Variants in ACTR3C observed in about 807,000 individuals in gnomAD.
ACTR3C encodes the protein actin related protein 3C.
ACTR3C carries 18 observed loss-of-function variants against 26.3 expected under a neutral mutation model. That is an observed-to-expected ratio of 0.68 (90% confidence interval 0.47 to 1.01). ACTR3C has a LOEUF of 1.01. ACTR3C is among the 50% of genes least tolerant of loss of function. ACTR3C has a pLI of 0.00. For synonymous variants in ACTR3C, 55 were observed against 94.5 expected (o/e 0.58, Z 2.42); for missense variants, 184 against 250.7 (o/e 0.73, Z 1.80).
At chr7:149,925,705 C>G in the ACTR3C span, among the ~76,000 whole-genome samples, 2 of 151,910 alleles carry the variant, frequency 1.3e-5, no homozygotes, top group Non-Finnish European at 2.9e-5. Context: ...TACCTTATCT[C>G]AGGATAAATT....
chr7:149,961,461 C>G, the ACTR3C span, among the ~76,000 whole-genome samples: 1 of 149,212 alleles, frequency 6.7e-6, no homozygotes, highest in Non-Finnish European at 1.5e-5. Flanking sequence ...TCACGGGAAG[C>G]ATGCTCTCTT....
chr7:150,094,860 C>T, the ACTR3C span, among the ~76,000 whole-genome samples: 1 of 150,438 alleles, frequency 6.6e-6, no homozygotes, highest in Non-Finnish European at 1.5e-5. Context: ...GCTTGCAGCT[C>T]GTCCAACCGG....
chr7:150,120,254 T>C, the ACTR3C span, among the ~76,000 whole-genome samples: 10 of 152,018 alleles, frequency 6.6e-5, no homozygotes, highest in South Asian at 1.0e-3. Flanking sequence ...CTGAAGGAGA[T>C]AGACACACAA....
the ACTR3C span, among the ~76,000 whole-genome samples, chr7:150,177,867 T>C: frequency 1.3e-5 from 2 of 150,880 alleles, no homozygotes; most frequent in Non-Finnish European, 2.9e-5. Context: ...TATATTTTTA[T>C]TTATCTGTCA....
chr7:150,225,435 C>A, the ACTR3C span, among the ~76,000 whole-genome samples: 11 of 152,128 alleles, frequency 7.2e-5, no homozygotes, highest in Admixed American at 7.2e-4. Flanking sequence ...TCTGTAAATG[C>A]CCACTCCAAC....
chr7:149,921,274 C>G, the ACTR3C span, among the ~76,000 whole-genome samples: 2 of 152,188 alleles, frequency 1.3e-5, no homozygotes, highest in Non-Finnish European at 2.9e-5. Context: ...CTTCTGGACT[C>G]TTCTCCCACA....
chr7:150,172,285 T>A, the ACTR3C span, among the ~76,000 whole-genome samples: 1 of 150,602 alleles, frequency 6.6e-6, no homozygotes, highest in Non-Finnish European at 1.5e-5. Context: ...GGACTTATAG[T>A]TCCACATAGC....
the ACTR3C span, among the ~76,000 whole-genome samples, chr7:150,010,518 A>G: frequency 1.3e-5 from 2 of 151,980 alleles, no homozygotes; most frequent in Non-Finnish European, 2.9e-5. Context: ...ACATGGTGAA[A>G]CCCTGTCTCT....
At chr7:150,209,323 A>AGAGC in the ACTR3C span, among the ~76,000 whole-genome samples, 1 of 148,308 alleles carries the variant, frequency 6.7e-6, no homozygotes, top group African/African-American at 2.6e-5. Flanking sequence ...AGAGAGAGAG[A>AGAGC]GAGAGAGAGA....
At chr7:150,123,508 T>C in the ACTR3C span, among the ~76,000 whole-genome samples, 2 of 151,808 alleles carry the variant, frequency 1.3e-5, no homozygotes, top group Non-Finnish European at 2.9e-5. Flanking sequence ...GGGACTATAC[T>C]TCCAGCAGCA....
At chr7:150,317,824 A>G (rs1563214379) in intron 1 of ACTR3C, among the ~76,000 whole-genome samples, 1 of 152,040 alleles carries the variant, frequency 6.6e-6, no homozygotes. Context: ...AGCTGAGGAA[A>G]TGGATTATGA....
the ACTR3C span, among the ~76,000 whole-genome samples, chr7:150,072,599 C>T: frequency 1.4e-5 from 2 of 147,658 alleles, no homozygotes; most frequent in African/African-American, 2.5e-5. Flanking sequence ...GAGCACCGGC[C>T]GGTGATGACA....
chr7:150,198,755 G>C, the ACTR3C span, among the ~76,000 whole-genome samples: 4 of 125,814 alleles, frequency 3.2e-5, no homozygotes, highest in South Asian at 2.6e-4. Flanking sequence ...AGGGAGGTGG[G>C]GGGGGGTCAG....
the ACTR3C span, among the ~76,000 whole-genome samples, chr7:149,912,363 T>G: frequency 1.3e-5 from 2 of 152,046 alleles, no homozygotes; most frequent in Non-Finnish European, 2.9e-5. Context: ...AATGTTCAGA[T>G]TCTTAAGTCA....
chr7:150,221,998 CAA>C, the ACTR3C span, among the ~76,000 whole-genome samples: 682 of 79,800 alleles, frequency 8.5e-3, 4 homozygotes, highest in East Asian at 0.015. Context: ...ACTCCGTCTC[CAA>C]AAAAAAAAAA....
the ACTR3C span, among the ~76,000 whole-genome samples, chr7:150,190,660 T>C: frequency 1.7e-4 from 26 of 152,232 alleles, no homozygotes; most frequent in African/African-American, 5.8e-4. Context: ...GTTATATTTA[T>C]GTGAGTCTAT....
At chr7:150,041,754 GGGGGAAGAGGGA>G in the ACTR3C span, among the ~76,000 whole-genome samples, 1 of 145,208 alleles carries the variant, frequency 6.9e-6, no homozygotes, top group Non-Finnish European at 1.5e-5. Context: ...AGAGCCAGGG[GGGGGAAGAGGGA>G]CTGGCTCTCA....
chr7:150,096,803 G>A, the ACTR3C span, among the ~76,000 whole-genome samples: 1 of 151,868 alleles, frequency 6.6e-6, no homozygotes, highest in Non-Finnish European at 1.5e-5. Flanking sequence ...ACAGAAATGA[G>A]GGGGAAGTTC....
At chr7:150,087,683 A>G in the ACTR3C span, among the ~76,000 whole-genome samples, 2 of 152,162 alleles carry the variant, frequency 1.3e-5, no homozygotes, top group South Asian at 4.1e-4. Context: ...TCTGATCCAG[A>G]CCCACCCTGA....
Sources: gnomAD v4.1 joint callset for allele counts (sites outside exome capture counted in the v4.1 genomes callset) on GRCh38, gnomAD v4.1.1 for gene constraint, MANE v1.5 for transcripts, NCBI Gene and HGNC (gene_info 2026-07-23, HGNC 2026-07-21) for gene names.